The following TIAM1 variants were observed in gnomAD, a reference collection of about 807,000 sequenced individuals.
The protein encoded by TIAM1 is rho guanine nucleotide exchange factor TIAM1.
A neutral mutation model predicts 163.5 loss-of-function variants in TIAM1; 65 were observed. The ratio of observed to expected loss-of-function variants is 0.40; its 90% CI spans 0.33 to 0.49. TIAM1 has a LOEUF of 0.49. Ranked by LOEUF, TIAM1 falls within the 20% of genes least tolerant of loss-of-function variation. The pLI is 0.77. For missense variants in TIAM1, 1,789 were observed against 2,044.7 expected (o/e 0.87, Z 2.41); for synonymous variants, 833 against 810.1 (o/e 1.03, Z -0.48).
chr21:31,230,888 A>G (rs1312901213), intron 6 of TIAM1, among the ~76,000 whole-genome samples: 2 of 151,914 alleles, frequency 1.3e-5, no homozygotes, highest in African/African-American at 2.4e-5. Flanking sequence ...GGGTGGTCCT[A>G]AACTCCCGAC....
intron 2 of TIAM1, among the ~76,000 whole-genome samples, chr21:31,325,153 G>A (rs1012094141): frequency 6.6e-6 from 1 of 151,428 alleles, no homozygotes; most frequent in African/African-American, 2.4e-5. Flanking sequence ...GAATGGTGGT[G>A]TGCAGCCGTA....
At chr21:31,558,672 C>G (rs2048979600) in intron 1 of TIAM1, among the ~76,000 whole-genome samples, 1 of 152,180 alleles carries the variant, frequency 6.6e-6, no homozygotes, top group African/African-American at 2.4e-5. Context: ...ACGGTCTCGT[C>G]TCCCTCCTTC....
Position 31,141,012 on chromosome 21 carries a change from CTATT to C in TIAM1, c.3774+102_3774+105del. 1.2e-6 allele frequency: 1 copy of C among 822,414 alleles called. No individual in the cohort carries two copies. Among genetic ancestry groups the C allele is most frequent in the Non-Finnish European group, 1.9e-6 (1 of 534,082 alleles). 50.9% of individuals were successfully genotyped at this position (822,414 alleles called of 1,614,324 possible). The stretch of plus-strand genomic sequence containing the variant: ...ACTAAGAAAAACAACAGCATCCTAA[CTATT>C]TTACTTACAAGTAACACCTTTTTAA... On this transcript the variant is annotated intron_variant, in intron 22 of 27. Transcript: ENST00000541036. The surrounding 1 kb of genome is among the most constrained non-coding windows in gnomAD (Gnocchi z 4.7).
At chr21:31,367,259 C>T (rs187317944) in intron 2 of TIAM1, among the ~76,000 whole-genome samples, 1 of 152,224 alleles carries the variant, frequency 6.6e-6, no homozygotes, top group African/African-American at 2.4e-5. Flanking sequence ...CAGTTGCAAG[C>T]CCTATGAACA....
rs116029969 is a variant in TIAM1 at position 31,254,889 on chromosome 21, C to T, written c.964-2700G>A. ...AATAAGGAAAAGCGAGGCAGAAACC[C>T]GAAAGACCAACTCTCAAGGGCGTGT... On this transcript the variant is annotated intron_variant, in intron 4 of 27. Coordinates refer to ENST00000541036, the MANE Select transcript of TIAM1 (RefSeq NM_001353694.2). 3.5e-3 allele frequency among the ~76,000 whole-genome samples: 538 copies of T among 152,226 alleles called. 5 individuals are homozygous for T. The highest frequency in any genetic ancestry group is 0.012 in the South Asian group (60 of 4,820).
Position 31,458,847 on chromosome 21 carries a change from A to C in TIAM1, c.-369+5136T>G, listed in dbSNP as rs530288689. ...AGGCGATATTTGAGCCAAGACCTGA[A>C]GGAAGTGAATGGCTAGCCAGGCAGA... On this transcript the variant is annotated intron_variant, in intron 2 of 28. Transcript: ENST00000286827. 2.5e-3 allele frequency among the ~76,000 whole-genome samples: 381 copies of C among 152,290 alleles called. 6 individuals carry two copies. Among genetic ancestry groups the C allele is most frequent in the African/African-American group, 8.9e-3 (369 of 41,558 alleles).
At chr21:31,313,079 A>C (rs2074990358) in intron 2 of TIAM1, among the ~76,000 whole-genome samples, 1 of 152,202 alleles carries the variant, frequency 6.6e-6, no homozygotes, top group Non-Finnish European at 1.5e-5. Context: ...CCAATATATT[A>C]TTTAATAAGA....
At chr21:31,535,877 C>CA (rs2048116465) in intron 1 of TIAM1, among the ~76,000 whole-genome samples, 1 of 152,186 alleles carries the variant, frequency 6.6e-6, no homozygotes, top group African/African-American at 2.4e-5. Context: ...GAAGGCCCAT[C>CA]AGGTGCCAGC....
chr21:31,557,628 T>C (rs2048926200), intron 1 of TIAM1, among the ~76,000 whole-genome samples: 1 of 152,144 alleles, frequency 6.6e-6, no homozygotes, highest in African/African-American at 2.4e-5. Context: ...CAAGTCAGCG[T>C]GCATGGGTAA....
chr21:31,119,553 C>T lies in TIAM1; in HGVS notation c.*815G>A, dbSNP rs775869220. ...CCTTTCATATATAAATATAAAACCA[C>T]CACGCCTCACTCTCTCTGTAAAAGG... On this transcript the variant is annotated 3_prime_UTR_variant, in exon 28 of 28. Transcript: ENST00000541036. The T allele has an allele frequency of 4.6e-5, 7 of 152,514 alleles. No homozygotes were observed. Among genetic ancestry groups the T allele is most frequent in the Non-Finnish European group, 8.8e-5 (6 of 68,040 alleles). 9.4% of individuals were successfully genotyped at this position (152,514 alleles called of 1,614,324 possible).
At chr21:31,218,569 A>G (rs1239727997) in intron 8 of TIAM1, among the ~76,000 whole-genome samples, 4 of 118,396 alleles carry the variant, frequency 3.4e-5, no homozygotes, top group Non-Finnish European at 6.1e-5. Context: ...ACTCTTTCTC[A>G]AAAAAAAAAG....
chr21:31,556,931 G>A (rs1340155943), intron 1 of TIAM1, among the ~76,000 whole-genome samples: 1 of 152,188 alleles, frequency 6.6e-6, no homozygotes, highest in Non-Finnish European at 1.5e-5. Context: ...TCAGCTACAA[G>A]GCATAGCTTA....
At chr21:31,276,096 G>A (rs982994580) in intron 3 of TIAM1, among the ~76,000 whole-genome samples, 1 of 152,126 alleles carries the variant, frequency 6.6e-6, no homozygotes, top group Non-Finnish European at 1.5e-5. Context: ...GGGAGGTCTT[G>A]GTTTCAAGCC....
At chr21:31,356,904 G>C (rs2076325247) in intron 2 of TIAM1, among the ~76,000 whole-genome samples, 1 of 152,186 alleles carries the variant, frequency 6.6e-6, no homozygotes, top group Non-Finnish European at 1.5e-5. Flanking sequence ...TGGGGCTTGA[G>C]CCCATGGGTT....
chr21:31,210,705 GAGAAAGAAAGAGAA>G lies in TIAM1; in HGVS notation c.2218-504_2218-491del, dbSNP rs1569033589. Among the ~76,000 whole-genome samples the G allele has an allele frequency of 3.3e-5, 3 of 89,794 alleles. 1 individual carries two copies. Among genetic ancestry groups the G allele is most frequent in the East Asian group, 7.0e-4 (2 of 2,866 alleles). The allele number at this position is 89,794 out of a possible 152,430, so 58.9% of individuals were successfully genotyped here. A position where few individuals can be genotyped will look rare whatever the true frequency, so the allele number is the denominator to read the frequency against. On this transcript the variant is annotated intron_variant, in intron 10 of 27. Transcript: ENST00000541036. ...AAAGAAAAAGAAAGAAAGAAAGAAAGAGAAAGAAAGAGAAAGAAAGAAAGAGAAAGAAGGAAGGA... is the reference window on the plus strand; with the variant it reads ...AAAGAAAAAGAAAGAAAGAAAGAAAGAGAAAGAAAGAGAAAGAAGGAAGGA...
chr21:31,221,979 A>G (rs540331133), intron 8 of TIAM1, among the ~76,000 whole-genome samples: 3 of 152,346 alleles, frequency 2.0e-5, no homozygotes, highest in East Asian at 3.9e-4. Flanking sequence ...ACAGGATTTA[A>G]TAGCTGTATG....
chr21:31,199,869 A>C (rs1601519449), intron 12 of TIAM1, among the ~76,000 whole-genome samples: 6 of 145,340 alleles, frequency 4.1e-5, no homozygotes, highest in East Asian at 2.0e-4. Context: ...CTATGATTCC[A>C]CTCCCTCTCT....
intron 1 of TIAM1, among the ~76,000 whole-genome samples, chr21:31,521,122 T>C (rs1222799218): frequency 1.3e-5 from 2 of 152,188 alleles, no homozygotes; most frequent in Non-Finnish European, 2.9e-5. Context: ...GAAGAAGGAA[T>C]AGATTGCCAG....
Position 31,395,864 on chromosome 21 carries a change from G to A in TIAM1, c.-368-56442C>T, listed in dbSNP as rs1303169643. ...CATGCCTGAAACAGCAGGCCAGTAG[G>A]GAGGGCCTGAACAGAAAGAAAACAA... On this transcript the variant is annotated intron_variant, in intron 2 of 28. Coordinates refer to the TIAM1 transcript ENST00000286827. The surrounding 1 kb of genome is among the most constrained non-coding windows in gnomAD (Gnocchi z 7.5). 2.6e-5 allele frequency among the ~76,000 whole-genome samples: 4 copies of A among 152,088 alleles called. No homozygotes were observed. The highest frequency in any genetic ancestry group is 5.9e-5 in the Non-Finnish European group (4 of 68,022).
Sources: gnomAD v4.1 joint callset for allele counts (sites outside exome capture counted in the v4.1 genomes callset) on GRCh38, gnomAD v4.1.1 for gene constraint, Gnocchi (gnomAD v3.1) non-coding constraint, MANE v1.5 for transcripts, NCBI Gene and HGNC (gene_info 2026-07-23, HGNC 2026-07-21) for gene names.